Variants in ARFIP1 observed in about 807,000 individuals in gnomAD.
The protein encoded by ARFIP1 is ARF interacting protein 1.
In ARFIP1, 24 loss-of-function variants were observed where a neutral mutation model predicts 42.5. The ratio of observed to expected loss-of-function variants is 0.57; its 90% CI spans 0.41 to 0.80. ARFIP1 has a LOEUF of 0.80. ARFIP1 is among the 30% of genes least tolerant of loss of function. The probability of loss-of-function intolerance (pLI) is 0.00; values close to 1 mark genes in which losing one functional copy is unlikely to be tolerated. For synonymous variants in ARFIP1, 141 were observed against 153.7 expected, an observed-to-expected ratio of 0.92 and a Z score of 0.61; for missense variants, 354 against 434.0, an observed-to-expected ratio of 0.82 and a Z score of 1.64.
intron 3 of ARFIP1, among the ~76,000 whole-genome samples, chr4:152,864,915 T>C (rs1734198774): frequency 1.1e-5 from 1 of 92,172 alleles, no homozygotes; most frequent in African/African-American, 6.9e-5. Context: ...TTTTTAAACT[T>C]TTTTTTTTTT....
At chr4:152,881,658 T>G (rs1338118841) in intron 6 of ARFIP1, among the ~76,000 whole-genome samples, 1 of 152,184 alleles carries the variant, frequency 6.6e-6, no homozygotes, top group South Asian at 2.1e-4. Flanking sequence ...ATTGGTAATC[T>G]TTTTATGTGG....
At chr4:152,892,477 A>G (rs775223989) in intron 8 of ARFIP1, among the ~76,000 whole-genome samples, 9 of 152,214 alleles carry the variant, frequency 5.9e-5, no homozygotes, top group Non-Finnish European at 1.2e-4. Flanking sequence ...GTATGGGACT[A>G]AAAGCCAGCC....
At chr4:152,861,377 G>A (rs985484282) in intron 2 of ARFIP1, among the ~76,000 whole-genome samples, 1 of 152,132 alleles carries the variant, frequency 6.6e-6, no homozygotes, top group African/African-American at 2.4e-5. Flanking sequence ...GTATAGAGAT[G>A]ATGAACCAAG....
At chr4:152,835,577 A>G (rs1561131352) in intron 2 of ARFIP1, among the ~76,000 whole-genome samples, 1 of 151,970 alleles carries the variant, frequency 6.6e-6, no homozygotes, top group Non-Finnish European at 1.5e-5. Context: ...GAGGTTCCAA[A>G]TTTTCCTTCA....
chr4:152,906,573 A>G (rs928354597), intron 8 of ARFIP1, among the ~76,000 whole-genome samples: 1 of 152,162 alleles, frequency 6.6e-6, no homozygotes, highest in Non-Finnish European at 1.5e-5. Flanking sequence ...AGTCCAAGCC[A>G]CCATTACCTC....
intron 3 of ARFIP1, 22 bp from the exon 4 acceptor site, chr4:152,870,731 G>A: frequency 2.5e-6 from 4 of 1,575,380 alleles, no homozygotes; most frequent in Non-Finnish European, 3.5e-6. Flanking sequence ...GATTTTCACA[G>A]TTAAAATGTC....
At chr4:152,891,448 A>G (rs1736842883) in intron 8 of ARFIP1, among the ~76,000 whole-genome samples, 1 of 152,142 alleles carries the variant, frequency 6.6e-6, no homozygotes, top group African/African-American at 2.4e-5. Flanking sequence ...GAGATCCATG[A>G]GAGAACTTTT....
rs75765590 is a variant in ARFIP1 at position 152,859,239 on chromosome 4, T to C, written c.94-4367T>C. On this transcript the variant is annotated intron_variant, in intron 2 of 8. Coordinates refer to ENST00000353617, the MANE Select transcript of ARFIP1 (RefSeq NM_001025595.3). ...ACCATGCCCAGCTGAATTTTTGTAT[T>C]TTTTTAGAGTTGGGGTTTTGCCATG... is the stretch of plus-strand genomic sequence containing the variant. 8.5e-5 allele frequency among the ~76,000 whole-genome samples: 13 copies of C among 152,244 alleles called. No homozygotes were observed. In the East Asian group the frequency reaches 2.3e-3, roughly 27 times the overall value.
chr4:152,781,834 C>G (rs993657631), intron 1 of ARFIP1, among the ~76,000 whole-genome samples: 1 of 152,156 alleles, frequency 6.6e-6, no homozygotes, highest in Non-Finnish European at 1.5e-5. Context: ...TGGATGATGA[C>G]TTGGGGTTCA....
intron 1 of ARFIP1, among the ~76,000 whole-genome samples, chr4:152,822,986 C>T (rs935492044): frequency 6.6e-6 from 1 of 151,888 alleles, no homozygotes; most frequent in African/African-American, 2.4e-5. Flanking sequence ...CATCACACCT[C>T]AAGGAACTAG....
chr4:152,824,289 G>A (rs1730636247), intron 1 of ARFIP1, among the ~76,000 whole-genome samples: 1 of 151,558 alleles, frequency 6.6e-6, no homozygotes, highest in Non-Finnish European at 1.5e-5. Flanking sequence ...CTCCAGCCTG[G>A]GCGACAGAGC....
intron 3 of ARFIP1, among the ~76,000 whole-genome samples, chr4:152,866,799 C>G (rs549462532): frequency 1.3e-5 from 2 of 151,030 alleles, no homozygotes; most frequent in Admixed American, 6.6e-5. Flanking sequence ...TGGGCAGAGA[C>G]GCTCCTCACC....
At chr4:152,811,088 G>GT (rs1265131975) in intron 1 of ARFIP1, among the ~76,000 whole-genome samples, 1 of 98,910 alleles carries the variant, frequency 1.0e-5, no homozygotes, top group African/African-American at 4.2e-5. Context: ...CTAAGGTTAA[G>GT]CCTTTTTTTT....
At position 152,910,362 on chromosome 4, in the gene ARFIP1, T is replaced by C. The variant is rs1738748155; in HGVS notation, c.*143T>C. On this transcript the variant is annotated 3_prime_UTR_variant, in exon 9 of 9. Coordinates refer to ENST00000353617, the MANE Select transcript of ARFIP1 (RefSeq NM_001025595.3). ...CAAACAGCTTTAATTTTTCCCTTTT[T>C]CATACTTTAACAATTGAACTGTTAA... 1 of 986,324 alleles carries C rather than the reference T, an allele frequency of 1.0e-6. No homozygotes were observed. Among genetic ancestry groups the C allele is most frequent in the Non-Finnish European group, 1.4e-6 (1 of 692,216 alleles). 61.1% of individuals were successfully genotyped at this position (986,324 alleles called of 1,614,324 possible). A position where few individuals can be genotyped will look rare whatever the true frequency, so the allele number is the denominator to read the frequency against.
intron 5 of ARFIP1, among the ~76,000 whole-genome samples, chr4:152,874,298 A>G (rs1561160904): frequency 6.6e-6 from 1 of 152,236 alleles, no homozygotes; most frequent in Non-Finnish European, 1.5e-5. Context: ...TGTTATACAT[A>G]TGGTATAGTA....
chr4:152,864,821 C>G (rs896357341), intron 3 of ARFIP1, among the ~76,000 whole-genome samples: 1 of 151,474 alleles, frequency 6.6e-6, no homozygotes, highest in Non-Finnish European at 1.5e-5. Flanking sequence ...TGTGTTAACT[C>G]TTTTCTGCAC....
chr4:152,816,893 T>C (rs1729934605), intron 1 of ARFIP1, among the ~76,000 whole-genome samples: 1 of 152,258 alleles, frequency 6.6e-6, no homozygotes, highest in Non-Finnish European at 1.5e-5. Flanking sequence ...ACTATATTCG[T>C]AATCTGTTAT....
At chr4:152,781,275 G>T (rs148139628) in intron 1 of ARFIP1, among the ~76,000 whole-genome samples, 1,674 of 128,544 alleles carry the variant, frequency 0.013, 43 homozygotes, top group African/African-American at 0.047. Context: ...TCACTCTGTC[G>T]CCCAGGCTGG....
intron 2 of ARFIP1, among the ~76,000 whole-genome samples, chr4:152,847,322 A>T (rs1732637802): frequency 1.3e-5 from 2 of 150,880 alleles, no homozygotes; most frequent in Non-Finnish European, 3.0e-5. Context: ...CAGTGGTGAC[A>T]GGGTTTCGCC....
Sources: gnomAD v4.1 joint callset for allele counts (sites outside exome capture counted in the v4.1 genomes callset) on GRCh38, gnomAD v4.1.1 for gene constraint, MANE v1.5 for transcripts, NCBI Gene and HGNC (gene_info 2026-07-23, HGNC 2026-07-21) for gene names.